The following PLCL2 variants were observed in gnomAD, a reference collection of about 807,000 sequenced individuals.
PLCL2 encodes the protein phospholipase C like 2.
Under a neutral mutation model 79.6 loss-of-function variants are expected in PLCL2, and 4 were observed. The observed-to-expected ratio is 0.05, with a 90% CI of 0.02 to 0.11. The LOEUF is 0.11. Among genes scored for constraint, PLCL2 ranks in the 10% least tolerant of loss-of-function variants. The probability of loss-of-function intolerance (pLI) is 1.00; values close to 1 mark genes in which losing one functional copy is unlikely to be tolerated. For synonymous variants in PLCL2, 484 were observed against 457.7 expected (o/e 1.06, Z -0.73); for missense variants, 895 against 1,291.0 (o/e 0.69, Z 4.70).
chr3:17,082,588 G>A (rs1246472850), intron 5 of PLCL2, among the ~76,000 whole-genome samples: 1 of 152,056 alleles, frequency 6.6e-6, no homozygotes, highest in Non-Finnish European at 1.5e-5. Flanking sequence ...GTCTCGCCTT[G>A]GTAATGTCCA....
chr3:17,059,223 G>A (rs1463900708), intron 4 of PLCL2, among the ~76,000 whole-genome samples: 1 of 151,770 alleles, frequency 6.6e-6, no homozygotes, highest in East Asian at 1.9e-4. Flanking sequence ...AAAGAATAAA[G>A]AATTCAAAAA....
intron 5 of PLCL2, among the ~76,000 whole-genome samples, chr3:17,076,410 C>T (rs1391283508): frequency 1.3e-5 from 2 of 151,928 alleles, no homozygotes; most frequent in Non-Finnish European, 2.9e-5. Flanking sequence ...CTACCATCTC[C>T]TTCTGTAACT....
At chr3:16,990,344 T>G (rs2064092657) in intron 1 of PLCL2, among the ~76,000 whole-genome samples, 1 of 152,170 alleles carries the variant, frequency 6.6e-6, no homozygotes, top group African/African-American at 2.4e-5. Flanking sequence ...CTTTTTCACT[T>G]AGGTACTCTA....
intron 4 of PLCL2, among the ~76,000 whole-genome samples, chr3:17,056,533 G>A (rs779895853): frequency 2.6e-4 from 40 of 152,184 alleles, no homozygotes; most frequent in South Asian, 2.1e-4. Context: ...AGTATTTGGA[G>A]ATAAACTTTC....
intron 1 of PLCL2, among the ~76,000 whole-genome samples, chr3:16,955,687 A>G (rs1364981898): frequency 2.0e-5 from 3 of 152,010 alleles, no homozygotes; most frequent in Non-Finnish European, 4.4e-5. Context: ...ATTTGTTTGT[A>G]TCCTCTTTTA....
chr3:17,073,285 T>A (rs1193494183), intron 5 of PLCL2, among the ~76,000 whole-genome samples: 7 of 152,226 alleles, frequency 4.6e-5, no homozygotes, highest in Non-Finnish European at 1.5e-5. Flanking sequence ...CCAGTATATA[T>A]AAAAGTTATA....
chr3:16,936,760 A>G (rs1016592082), intron 1 of PLCL2, among the ~76,000 whole-genome samples: 2 of 152,164 alleles, frequency 1.3e-5, no homozygotes, highest in East Asian at 3.8e-4. Flanking sequence ...TATTTTTTCA[A>G]AAAAACGAGG....
chr3:17,034,437 C>T (rs1303123521), intron 3 of PLCL2, among the ~76,000 whole-genome samples: 2 of 152,168 alleles, frequency 1.3e-5, no homozygotes, highest in Non-Finnish European at 2.9e-5. Context: ...AGGTATTTGA[C>T]ATTCATCCAA....
chr3:17,049,821 GA>G (rs1010502524), intron 4 of PLCL2, among the ~76,000 whole-genome samples: 10 of 148,116 alleles, frequency 6.8e-5, no homozygotes, highest in East Asian at 5.9e-4. Flanking sequence ...CATGGAAATT[GA>G]AAAAAAAAAT....
intron 1 of PLCL2, among the ~76,000 whole-genome samples, chr3:16,996,917 T>C (rs148446563): frequency 6.6e-6 from 1 of 152,332 alleles, no homozygotes; most frequent in Admixed American, 6.5e-5. Context: ...ATCAACTTTG[T>C]CTTCATACTA....
At chr3:17,041,958 G>T (rs915445495) in intron 3 of PLCL2, among the ~76,000 whole-genome samples, 3 of 151,176 alleles carry the variant, frequency 2.0e-5, no homozygotes, top group African/African-American at 7.3e-5. Flanking sequence ...AAAATAAAAA[G>T]AAAAAAAATG....
intron 1 of PLCL2, among the ~76,000 whole-genome samples, chr3:16,932,346 G>A (rs1291280511): frequency 6.6e-6 from 1 of 152,170 alleles, no homozygotes; most frequent in Non-Finnish European, 1.5e-5. Flanking sequence ...GGAATAACAT[G>A]CATATTATTT....
chr3:17,019,703 TA>T (rs1243822655), intron 3 of PLCL2, among the ~76,000 whole-genome samples: 1 of 152,188 alleles, frequency 6.6e-6, no homozygotes, highest in Non-Finnish European at 1.5e-5. Context: ...GCACTTAAAA[TA>T]AAGAAAACTG....
chr3:16,964,706 G>A (rs1427175089), intron 1 of PLCL2, among the ~76,000 whole-genome samples: 1 of 151,760 alleles, frequency 6.6e-6, no homozygotes. Flanking sequence ...TTTAATGATT[G>A]CCATTCTAAC....
intron 3 of PLCL2, among the ~76,000 whole-genome samples, chr3:17,018,637 A>G (rs2124897118): frequency 6.6e-6 from 1 of 152,336 alleles, no homozygotes; most frequent in African/African-American, 2.4e-5. Flanking sequence ...ACATGATTAT[A>G]TCATACATCA....
chr3:17,068,676 C>G (rs2065032928), intron 5 of PLCL2, among the ~76,000 whole-genome samples: 1 of 151,930 alleles, frequency 6.6e-6, no homozygotes, highest in Non-Finnish European at 1.5e-5. Context: ...TCAAAAATGT[C>G]AAAAGAGCAA....
intron 5 of PLCL2, among the ~76,000 whole-genome samples, chr3:17,083,320 T>C (rs919863979): frequency 1.3e-5 from 2 of 152,114 alleles, no homozygotes; most frequent in Non-Finnish European, 2.9e-5. Flanking sequence ...GCAAGGGCAT[T>C]CCCTGCAGAG....
At chr3:17,014,961 A>G (rs966122431) in intron 3 of PLCL2, 50 bp downstream of exon 3, 2 of 1,417,236 alleles carry the variant, frequency 1.4e-6, no homozygotes, top group Non-Finnish European at 9.9e-7. Flanking sequence ...GAGATATCCT[A>G]AGACAACACA....
At chr3:16,960,077 C>T (rs1407231266) in intron 1 of PLCL2, among the ~76,000 whole-genome samples, 2 of 152,138 alleles carry the variant, frequency 1.3e-5, no homozygotes, top group East Asian at 1.9e-4. Flanking sequence ...TGCACTCCAG[C>T]GTGGGCGACA....
Sources: allele counts gnomAD v4.1 joint callset (sites outside exome capture counted in the v4.1 genomes callset), GRCh38; gene constraint gnomAD v4.1.1; transcripts MANE v1.5; gene names NCBI Gene and HGNC (gene_info 2026-07-23, HGNC 2026-07-21).